Variants in TRIM62 observed in about 807,000 individuals in gnomAD.
TRIM62 encodes the protein tripartite motif containing 62.
In TRIM62, 39 loss-of-function variants were observed where a neutral mutation model predicts 44.2. The observed-to-expected ratio is 0.88, with a 90% CI of 0.68 to 1.15. TRIM62 has a LOEUF of 1.15. Ranked by LOEUF, TRIM62 falls within the 50% of genes most tolerant of loss-of-function variation. TRIM62 has a pLI of 0.00. For synonymous variants in TRIM62, 278 were observed against 292.3 expected, an observed-to-expected ratio of 0.95 and a Z score of 0.50; for missense variants, 544 against 665.5, an observed-to-expected ratio of 0.82 and a Z score of 2.01.
intron 1 of TRIM62, among the ~76,000 whole-genome samples, chr1:33,166,887 G>T (rs138310708): frequency 6.6e-6 from 1 of 152,242 alleles, no homozygotes; most frequent in East Asian, 1.9e-4. Flanking sequence ...TTTGTTCATC[G>T]TGGGTTTTTT....
rs1003873508 is a variant in TRIM62 at position 33,181,222 on chromosome 1, T to G, written c.211A>C (p.Ile71Leu). The change falls in exon 1 of 5, where the codon ATC (isoleucine) becomes CTC (leucine). Residue 71 changes from isoleucine to leucine, a missense_variant. Ile to Leu is a conservative substitution (Grantham distance 5). Coordinates refer to ENST00000291416, the MANE Select transcript of TRIM62 (RefSeq NM_018207.3). This position sits in a 1 kb window ranked among gnomAD's most constrained non-coding sequence, Gnocchi z 6.5. ...ALAPSLKLAN[I>L]VERYSSFPLD... ...GGGAAGGAGCTGTAGCGCTCCACGA[T>G]GTTGGCCAGCTTGAGGCTGGGCGCC... The G allele has an allele frequency of 3.2e-6, 5 of 1,573,636 alleles. No homozygotes were observed. The highest frequency in any genetic ancestry group is 4.3e-6 in the Non-Finnish European group (5 of 1,165,370).
chr1:33,175,040 T>TGTATATGTATAA (rs1645407170), intron 1 of TRIM62, among the ~76,000 whole-genome samples: 1 of 151,288 alleles, frequency 6.6e-6, no homozygotes, highest in Non-Finnish European at 1.5e-5. Flanking sequence ...TTTATGTATA[T>TGTATATGTATAA]GTATATGTAT....
In TRIM62 at chr1:33,146,964, A is replaced by G. The variant is rs1645028048; in HGVS notation, c.*213T>C. ...ATCCTTGGATCAAAGCTGTATCCCT[A>G]TCAAGGTCAGAGCTACAGAACATCG... is the stretch of plus-strand genomic sequence containing the variant. On this transcript the variant is annotated 3_prime_UTR_variant, in exon 5 of 5. Coordinates refer to ENST00000291416, the MANE Select transcript of TRIM62 (RefSeq NM_018207.3). 3.3e-6 allele frequency: 2 copies of G among 598,980 alleles called. No individual in the cohort carries two copies. The highest frequency in any genetic ancestry group is 3.0e-5 in the Admixed American group (1 of 33,368). The allele number at this position is 598,980 out of a possible 1,614,324, so 37.1% of individuals were successfully genotyped here. A position where few individuals can be genotyped will look rare whatever the true frequency, so the allele number is the denominator to read the frequency against.
intron 4 of TRIM62, among the ~76,000 whole-genome samples, chr1:33,149,049 C>T (rs1645058718): frequency 6.6e-6 from 1 of 152,204 alleles, no homozygotes; most frequent in South Asian, 2.1e-4. Context: ...TTGTTGCAAC[C>T]ACCCCCAGAG....
Position 33,181,935 on chromosome 1 carries a change from GCCGGCCCGCTCAGCTGCCGGATC to G in TRIM62, c.-526_-504del, listed in dbSNP as rs1195992530. 6.3e-6 allele frequency: 1 copy of G among 157,576 alleles called. No individual in the cohort carries two copies. The highest frequency in any genetic ancestry group is 6.3e-5 in the Admixed American group (1 of 15,838). 9.8% of individuals were successfully genotyped at this position (157,576 alleles called of 1,614,324 possible). ...GTGACCGGCAGAGAAGAGGAGGGGT[GCCGGCCCGCTCAGCTGCCGGATC>G]CCGGCCCCAAACCCTGGCCCAGCGC... On this transcript the variant is annotated 5_prime_UTR_variant, in exon 1 of 5. Coordinates refer to ENST00000291416, the MANE Select transcript of TRIM62 (RefSeq NM_018207.3). The surrounding 1 kb of genome is among the most constrained non-coding windows in gnomAD (Gnocchi z 6.5).
At position 33,146,558 on chromosome 1, in the gene TRIM62, A is replaced by G. The variant is rs1645023796; in HGVS notation, c.*619T>C. On this transcript the variant is annotated 3_prime_UTR_variant, in exon 5 of 5. Transcript: ENST00000291416. ...CACATGACTATAATGTGTGGACTCA[A>G]CTACCAGGTGCCTTCCACAGGCCAC... is the stretch of plus-strand genomic sequence containing the variant. The G allele has an allele frequency of 6.3e-6, 1 of 159,882 alleles. No homozygotes were observed. Among genetic ancestry groups the G allele is most frequent in the South Asian group, 1.8e-4 (1 of 5,608 alleles). 9.9% of individuals were successfully genotyped at this position (159,882 alleles called of 1,614,324 possible). A position where few individuals can be genotyped will look rare whatever the true frequency, so the allele number is the denominator to read the frequency against.
intron 1 of TRIM62, among the ~76,000 whole-genome samples, chr1:33,171,940 C>T (rs1281917128): frequency 2.6e-5 from 4 of 152,098 alleles, no homozygotes; most frequent in Non-Finnish European, 1.5e-5. Context: ...CGACACCACG[C>T]CTGGCTAATT....
intron 4 of TRIM62, among the ~76,000 whole-genome samples, chr1:33,148,801 T>C (rs565849345): frequency 7.2e-5 from 11 of 152,320 alleles, no homozygotes; most frequent in East Asian, 1.9e-4. Context: ...TCTGAAAAGA[T>C]TGAAAACCAT....
At chr1:33,172,887 T>C (rs977806177) in intron 1 of TRIM62, among the ~76,000 whole-genome samples, 6 of 152,200 alleles carry the variant, frequency 3.9e-5, no homozygotes, top group African/African-American at 1.4e-4. Context: ...AGCATGACTT[T>C]CGCTCAGGGC....
At position 33,161,896 on chromosome 1, in the gene TRIM62, T is replaced by G. The variant is rs1645273691; in HGVS notation, c.505-1952A>C. 1.3e-5 allele frequency among the ~76,000 whole-genome samples: 2 copies of G among 152,130 alleles called. No homozygotes were observed. Among genetic ancestry groups the G allele is most frequent in the South Asian group, 4.1e-4 (2 of 4,826 alleles). ...TGCCTCCCATGTTCCTCGGGGCTCA[T>G]CCAGGTCAGCGCCTTCCATCCTCAC... On this transcript the variant is annotated intron_variant, in intron 2 of 4. Transcript: ENST00000291416. This position sits in a 1 kb window ranked among gnomAD's most constrained non-coding sequence, Gnocchi z 4.3.
chr1:33,151,764 A>G (rs1001951737), intron 4 of TRIM62, among the ~76,000 whole-genome samples: 4 of 152,246 alleles, frequency 2.6e-5, no homozygotes, highest in African/African-American at 9.6e-5. Context: ...GGTCAAAGGC[A>G]TTCAGGAAGG....
In TRIM62 at chr1:33,181,220, G is replaced by A; in HGVS notation, c.213C>T (p.Ile71=). 2 of 1,574,730 alleles carry A rather than the reference G, an allele frequency of 1.3e-6. No homozygotes were observed. The highest frequency in any genetic ancestry group is 1.7e-4 in the Middle Eastern group (1 of 6,022). Residue 71 remains isoleucine (I), a synonymous_variant, in exon 1 of 5, where the codon ATC becomes ATT. Coordinates refer to ENST00000291416, the MANE Select transcript of TRIM62 (RefSeq NM_018207.3). This position sits in a 1 kb window ranked among gnomAD's most constrained non-coding sequence, Gnocchi z 6.5. ...GCGGGAAGGAGCTGTAGCGCTCCACGATGTTGGCCAGCTTGAGGCTGGGCG... is the reference window on the plus strand; with the variant it reads ...GCGGGAAGGAGCTGTAGCGCTCCACAATGTTGGCCAGCTTGAGGCTGGGCG... The part of the protein sequence containing the change: ...ALAPSLKLAN[I]VERYSSFPLD...
chr1:33,174,975 A>ACACATGTATT (rs1557762486), intron 1 of TRIM62, among the ~76,000 whole-genome samples: 2 of 136,020 alleles, frequency 1.5e-5, no homozygotes, highest in Admixed American at 7.1e-5. Flanking sequence ...ATATACACAC[A>ACACATGTATT]TATACATATA....
rs191847955 is a variant in TRIM62 at position 33,164,166 on chromosome 1, G to A, written c.504+1305C>T. On this transcript the variant is annotated intron_variant, in intron 2 of 4. Transcript: ENST00000291416. Reference sequence around the variant, plus strand: ...TGACTGTTTATCATCTGTTGCCCCCGAGGGTCCTGCCCAGAGGCACTCTGG... The same window carrying A: ...TGACTGTTTATCATCTGTTGCCCCCAAGGGTCCTGCCCAGAGGCACTCTGG... 107 of 152,358 alleles carry A rather than the reference G, an allele frequency of 7.0e-4. 1 individual carries two copies. The highest frequency in any genetic ancestry group is 1.2e-3 in the Non-Finnish European group (85 of 68,068). 9.4% of individuals were successfully genotyped at this position (152,358 alleles called of 1,614,324 possible).
chr1:33,174,945 G>A (rs1466087698), intron 1 of TRIM62, among the ~76,000 whole-genome samples: 1 of 141,742 alleles, frequency 7.1e-6, no homozygotes, highest in East Asian at 2.1e-4. Flanking sequence ...ATATATGTGT[G>A]TATATATATA....
At chr1:33,152,208 A>G (rs1367847235) in intron 4 of TRIM62, among the ~76,000 whole-genome samples, 1 of 152,170 alleles carries the variant, frequency 6.6e-6, no homozygotes, top group Non-Finnish European at 1.5e-5. Context: ...CAGAGTTGGA[A>G]CTTCAGCTGA....
At position 33,145,872 on chromosome 1, in the gene TRIM62, A is replaced by G. The variant is rs1158335255; in HGVS notation, c.*1305T>C. On this transcript the variant is annotated 3_prime_UTR_variant, in exon 5 of 5. Transcript: ENST00000291416. ...CCTAACTTCCTTCTAGGGAAATGAC[A>G]TTTCCCAGACTCCCTTGCAGCCAAG... 2.1e-6 allele frequency: 1 copy of G among 471,140 alleles called. No individual in the cohort carries two copies. Among genetic ancestry groups the G allele is most frequent in the Non-Finnish European group, 4.4e-6 (1 of 227,054 alleles). The allele number at this position is 471,140 out of a possible 1,614,324, so 29.2% of individuals were successfully genotyped here.
intron 2 of TRIM62, among the ~76,000 whole-genome samples, chr1:33,162,382 A>T (rs1186610049): frequency 2.0e-5 from 3 of 152,230 alleles, no homozygotes; most frequent in Admixed American, 1.3e-4. Context: ...CTCTTCAGAG[A>T]TAACTTTCCT....
At position 33,159,744 on chromosome 1, in the gene TRIM62, C is replaced by A. The variant is rs779368210; in HGVS notation, c.705G>T (p.Arg235=). The change falls in exon 3 of 5, where the codon CGG becomes CGT. Residue 235 remains arginine (R), a synonymous_variant. Transcript: ENST00000291416. The surrounding 1 kb of genome is among the most constrained non-coding windows in gnomAD (Gnocchi z 4.2). ...VQEGAQILQE[R]LAETDRHTFL... is the part of the protein sequence containing the mutation. ...AGGTGTGCCGGTCGGTTTCAGCCAG[C>A]CGCTCCTGCAGGATCTGGGCTCCCT... 4.3e-6 allele frequency: 7 copies of A among 1,612,796 alleles called. No homozygotes were observed. The East Asian group carries it at 1.3e-4, about 31-fold the overall frequency.
Sources: allele counts gnomAD v4.1 joint callset (sites outside exome capture counted in the v4.1 genomes callset), GRCh38; gene constraint gnomAD v4.1.1; non-coding constraint Gnocchi (gnomAD v3.1); transcripts MANE v1.5; gene names NCBI Gene and HGNC (gene_info 2026-07-23, HGNC 2026-07-21).